Variants in SRD5A2 observed in about 807,000 individuals in gnomAD.
The protein encoded by SRD5A2 is steroid 5 alpha-reductase 2.
Under a neutral mutation model 27.4 loss-of-function variants are expected in SRD5A2, and 30 were observed. The observed-to-expected ratio is 1.10, with a 90% CI of 0.82 to 1.49. The LOEUF is 1.49. Ranked by LOEUF, SRD5A2 falls within the 40% of genes most tolerant of loss-of-function variation. SRD5A2 has a pLI of 0.00. For synonymous variants in SRD5A2, 141 were observed against 133.6 expected (o/e 1.06, Z -0.38); for missense variants, 348 against 323.4 (o/e 1.08, Z -0.58).
At chr2:31,641,462 C>T in the SRD5A2 span, among the ~76,000 whole-genome samples, 1 of 152,048 alleles carries the variant, frequency 6.6e-6, no homozygotes, top group Non-Finnish European at 1.5e-5. Flanking sequence ...TTCTGGCAGG[C>T]TTACATTACA....
the SRD5A2 span, among the ~76,000 whole-genome samples, chr2:31,628,183 AG>A: frequency 2.6e-5 from 4 of 152,168 alleles, no homozygotes; most frequent in African/African-American, 9.7e-5. Context: ...TAGTTAGGAT[AG>A]GTAGGTCTTC....
At chr2:31,534,162 TA>T (rs1415570141) in intron 1 of SRD5A2, among the ~76,000 whole-genome samples, 1 of 152,094 alleles carries the variant, frequency 6.6e-6, no homozygotes, top group Non-Finnish European at 1.5e-5. Flanking sequence ...TATCAAAAAT[TA>T]TAAAGCCTAT....
At chr2:31,634,227 A>C in the SRD5A2 span, among the ~76,000 whole-genome samples, 3 of 152,228 alleles carry the variant, frequency 2.0e-5, no homozygotes, top group African/African-American at 4.8e-5. Context: ...TTGTTTTGAC[A>C]GACTTTTTAA....
chr2:31,624,326 C>T, the SRD5A2 span, among the ~76,000 whole-genome samples: 3 of 151,880 alleles, frequency 2.0e-5, no homozygotes, highest in Non-Finnish European at 2.9e-5. Context: ...AGGTTTTACT[C>T]ATCCTTTCTG....
intron 1 of SRD5A2, among the ~76,000 whole-genome samples, chr2:31,557,558 C>A (rs1030599937): frequency 2.6e-5 from 4 of 151,906 alleles, no homozygotes; most frequent in African/African-American, 9.7e-5. Context: ...ACCTAGTAAT[C>A]AACAATTTGT....
chr2:31,643,418 TTAAA>T, the SRD5A2 span, among the ~76,000 whole-genome samples: 2 of 152,124 alleles, frequency 1.3e-5, no homozygotes, highest in Non-Finnish European at 2.9e-5. Flanking sequence ...TGAAGGATTT[TTAAA>T]TAGATAGATA....
chr2:31,604,061 G>A, the SRD5A2 span, among the ~76,000 whole-genome samples: 1 of 151,584 alleles, frequency 6.6e-6, no homozygotes, highest in Non-Finnish European at 1.5e-5. Context: ...AATAAAATTG[G>A]AAATTTTTAA....
chr2:31,549,546 T>C (rs1666341911), intron 1 of SRD5A2, among the ~76,000 whole-genome samples: 1 of 152,028 alleles, frequency 6.6e-6, no homozygotes, highest in South Asian at 2.1e-4. Flanking sequence ...TTTGCCACAA[T>C]AAAAAATAAT....
the SRD5A2 span, among the ~76,000 whole-genome samples, chr2:31,608,194 G>T: frequency 6.6e-6 from 1 of 151,758 alleles, no homozygotes; most frequent in South Asian, 2.1e-4. Context: ...AATATATGTT[G>T]GTGTACCACA....
the SRD5A2 span, among the ~76,000 whole-genome samples, chr2:31,636,399 G>C: frequency 6.6e-6 from 1 of 151,956 alleles, no homozygotes; most frequent in African/African-American, 2.4e-5. Context: ...CAACTTTACT[G>C]AATTATGAAC....
the SRD5A2 span, among the ~76,000 whole-genome samples, chr2:31,630,221 A>C: frequency 1.3e-5 from 2 of 152,212 alleles, no homozygotes; most frequent in Non-Finnish European, 1.5e-5. Context: ...CCAGTACTTT[A>C]ACAACTGGAA....
chr2:31,662,336 T>C, the SRD5A2 span, among the ~76,000 whole-genome samples: 63 of 152,266 alleles, frequency 4.1e-4, no homozygotes, highest in Non-Finnish European at 5.4e-4. Flanking sequence ...GTTTTTGTTT[T>C]TGAGACAGAG....
At chr2:31,573,067 T>C (rs1261625205) in intron 1 of SRD5A2, among the ~76,000 whole-genome samples, 1 of 152,084 alleles carries the variant, frequency 6.6e-6, no homozygotes, top group Non-Finnish European at 1.5e-5. Flanking sequence ...GGGCCCCTTT[T>C]CCCAACAGAC....
the SRD5A2 span, among the ~76,000 whole-genome samples, chr2:31,662,413 G>A: frequency 6.6e-6 from 1 of 152,152 alleles, no homozygotes; most frequent in African/African-American, 2.4e-5. Context: ...TGACCTCCCA[G>A]GCTCAAGCAA....
intron 1 of SRD5A2, among the ~76,000 whole-genome samples, chr2:31,537,802 C>A (rs1201497769): frequency 6.6e-6 from 1 of 152,110 alleles, no homozygotes; most frequent in Admixed American, 6.6e-5. Flanking sequence ...GTGTTTAGGT[C>A]ATGAGGGCTC....
intron 1 of SRD5A2, among the ~76,000 whole-genome samples, chr2:31,554,513 T>C (rs1386631696): frequency 1.3e-5 from 2 of 152,156 alleles, no homozygotes; most frequent in African/African-American, 4.8e-5. Context: ...CAGGGAACAC[T>C]GCCTCAGGAG....
rs28745284 is a variant in SRD5A2, at chr2:31,564,802, T to A, written c.281+15818A>T. ...GATTGCTATATCCTAGAATTTTCTA[T>A]CTTCGAAAACAAGAAATAAAAACAC... On this transcript the variant is annotated intron_variant, in intron 1 of 4. Coordinates refer to ENST00000622030, the MANE Select transcript of SRD5A2 (RefSeq NM_000348.4). Among the ~76,000 whole-genome samples the A allele has an allele frequency of 6.5e-3, 994 of 152,086 alleles. 14 individuals are homozygous for A. The highest frequency in any genetic ancestry group is 0.023 in the African/African-American group (936 of 41,548).
the SRD5A2 span, among the ~76,000 whole-genome samples, chr2:31,637,984 T>G: frequency 6.6e-6 from 1 of 152,088 alleles, no homozygotes; most frequent in Non-Finnish European, 1.5e-5. Flanking sequence ...GTTTGGCTTA[T>G]TCTTCCTTTT....
At chr2:31,647,685 C>A in the SRD5A2 span, among the ~76,000 whole-genome samples, 1 of 152,140 alleles carries the variant, frequency 6.6e-6, no homozygotes, top group East Asian at 1.9e-4. Flanking sequence ...AACGCTGCTG[C>A]CAGTTTTGAT....
Sources: gnomAD v4.1 joint callset for allele counts (sites outside exome capture counted in the v4.1 genomes callset) on GRCh38, gnomAD v4.1.1 for gene constraint, MANE v1.5 for transcripts, NCBI Gene and HGNC (gene_info 2026-07-23, HGNC 2026-07-21) for gene names.